The following MACROD1 variants were observed in gnomAD, a reference collection of about 807,000 sequenced individuals.
MACROD1 encodes the protein ADP-ribose glycohydrolase MACROD1.
A neutral mutation model predicts 41.4 loss-of-function variants in MACROD1; 31 were observed. The observed-to-expected ratio is 0.75, with a 90% CI of 0.56 to 1.01. MACROD1 has a LOEUF of 1.01. Ranked by LOEUF, MACROD1 falls within the 50% of genes least tolerant of loss-of-function variation. The probability of loss-of-function intolerance (pLI) is 0.00; values close to 1 mark genes in which losing one functional copy is unlikely to be tolerated. For missense variants in MACROD1, 473 were observed against 460.0 expected, an observed-to-expected ratio of 1.03 and a Z score of -0.26; for synonymous variants, 252 against 203.4, an observed-to-expected ratio of 1.24 and a Z score of -2.03.
intron 3 of MACROD1, among the ~76,000 whole-genome samples, chr11:64,041,632 T>C (rs993383153): frequency 6.6e-6 from 1 of 151,970 alleles, no homozygotes. Context: ...AATGACCGCC[T>C]CGGGAGCTGG....
chr11:64,059,892 GGAGGC>G lies in MACROD1; in HGVS notation c.518-44616_518-44612del, dbSNP rs58718475. 2.1e-3 allele frequency among the ~76,000 whole-genome samples: 320 copies of G among 152,292 alleles called. 9 individuals carry two copies. The East Asian group carries it at 0.058, about 27-fold the overall frequency. Reference sequence around the variant, plus strand: ...ATAGGGTCCAGCCCTTGAAGGCCGAGGAGGCGAGGCGAGGCTGGCAACCGCGACCT... The same window carrying G: ...ATAGGGTCCAGCCCTTGAAGGCCGAGGAGGCGAGGCTGGCAACCGCGACCT... On this transcript the variant is annotated intron_variant, in intron 3 of 10. Coordinates refer to ENST00000255681, the MANE Select transcript of MACROD1 (RefSeq NM_014067.4).
At chr11:64,070,061 T>A (rs1297560942) in intron 3 of MACROD1, among the ~76,000 whole-genome samples, 1 of 152,170 alleles carries the variant, frequency 6.6e-6, no homozygotes, top group African/African-American at 2.4e-5. Context: ...AAGCACTCCC[T>A]GCAGCCTCTT....
At chr11:64,007,239 G>A (rs1339458558) in intron 4 of MACROD1, among the ~76,000 whole-genome samples, 2 of 152,238 alleles carry the variant, frequency 1.3e-5, no homozygotes, top group Non-Finnish European at 2.9e-5. Flanking sequence ...AGGGCCAGGA[G>A]TCCTGTGGCC....
Position 64,041,350 on chromosome 11 carries a change from C to A in MACROD1, c.518-26069G>T, listed in dbSNP as rs1482278019. Among the ~76,000 whole-genome samples the A allele has an allele frequency of 4.6e-5, 7 of 152,090 alleles. No homozygotes were observed. The South Asian group carries it at 1.5e-3, about 32-fold the overall frequency. On this transcript the variant is annotated intron_variant, in intron 3 of 10. Coordinates refer to ENST00000255681, the MANE Select transcript of MACROD1 (RefSeq NM_014067.4). Reference sequence around the variant, plus strand: ...ATTCCTGCTGCCCCCCACCCCTCCACCCCCCGTGACGCCTGGGAAATGCTG... The same window carrying A: ...ATTCCTGCTGCCCCCCACCCCTCCAACCCCCGTGACGCCTGGGAAATGCTG...
intron 3 of MACROD1, among the ~76,000 whole-genome samples, chr11:64,021,932 CCGGG>C (rs1331200375): frequency 0.041 from 206 of 5,054 alleles, 16 homozygotes; most frequent in Non-Finnish European, 0.074. Flanking sequence ...TGGCAGGGGG[CCGGG>C]GGGGGGGGGG....
chr11:64,141,350 A>C (rs1194150180), intron 3 of MACROD1, among the ~76,000 whole-genome samples: 1 of 152,178 alleles, frequency 6.6e-6, no homozygotes, highest in Non-Finnish European at 1.5e-5. Context: ...GAAAAGATTC[A>C]AGTCAACGCA....
chr11:64,058,275 T>C (rs113816669), intron 3 of MACROD1, among the ~76,000 whole-genome samples: 4 of 152,146 alleles, frequency 2.6e-5, no homozygotes, highest in Non-Finnish European at 5.9e-5. Context: ...GGATGAGCAG[T>C]TGGGGACTAC....
At position 64,120,747 on chromosome 11, in the gene MACROD1, G is replaced by GCC. The variant is rs1415750362; in HGVS notation, c.517+30490_517+30491dup. Among the ~76,000 whole-genome samples the GCC allele has an allele frequency of 6.6e-6, 1 of 152,088 alleles. No homozygotes were observed. Among genetic ancestry groups the GCC allele is most frequent in the Non-Finnish European group, 1.5e-5 (1 of 68,010 alleles). ...CCCCAGCCCCGAGATGAGCAGAAGG[G>GCC]CCCACCTGGGATGTCTGGGAGGAGA... On this transcript the variant is annotated intron_variant, in intron 3 of 10. Transcript: ENST00000255681. The surrounding 1 kb of genome is among the most constrained non-coding windows in gnomAD (Gnocchi z 4.5).
At chr11:64,124,414 T>C (rs1945146873) in intron 3 of MACROD1, among the ~76,000 whole-genome samples, 1 of 152,262 alleles carries the variant, frequency 6.6e-6, no homozygotes, top group African/African-American at 2.4e-5. Context: ...CTTTTCACTC[T>C]GTGGTTTTAA....
At chr11:64,029,861 T>C (rs1382710331) in intron 3 of MACROD1, among the ~76,000 whole-genome samples, 1 of 152,128 alleles carries the variant, frequency 6.6e-6, no homozygotes, top group Admixed American at 6.6e-5. Flanking sequence ...CTGGGAATGA[T>C]CGCTGAGAAG....
At chr11:64,157,922 C>T (rs1423052328) in intron 1 of MACROD1, among the ~76,000 whole-genome samples, 1 of 152,142 alleles carries the variant, frequency 6.6e-6, no homozygotes, top group Non-Finnish European at 1.5e-5. Flanking sequence ...CTTGTCAAAG[C>T]CCACAGCTCG....
At chr11:64,030,241 A>G (rs1943276661) in intron 3 of MACROD1, among the ~76,000 whole-genome samples, 1 of 150,596 alleles carries the variant, frequency 6.6e-6, no homozygotes, top group Admixed American at 6.6e-5. Context: ...GGCCCCCCAG[A>G]ACCCCAGGAG....
intron 3 of MACROD1, among the ~76,000 whole-genome samples, chr11:64,150,944 G>A (rs563405439): frequency 2.2e-4 from 33 of 152,198 alleles, no homozygotes; most frequent in Non-Finnish European, 3.5e-4. Context: ...AGACCTCCCC[G>A]CTGTGGCCTC....
intron 3 of MACROD1, among the ~76,000 whole-genome samples, chr11:64,073,883 C>T (rs1944153701): frequency 6.6e-6 from 1 of 152,152 alleles, no homozygotes; most frequent in South Asian, 2.1e-4. Context: ...CCGGATCCAG[C>T]CCAGCCACTT....
chr11:64,020,373 T>C (rs1943137080), intron 3 of MACROD1, among the ~76,000 whole-genome samples: 1 of 152,106 alleles, frequency 6.6e-6, no homozygotes, highest in Non-Finnish European at 1.5e-5. Context: ...TCTCCTATTT[T>C]GCCCCAGCTG....
intron 3 of MACROD1, among the ~76,000 whole-genome samples, chr11:64,044,899 GCTGGGC>G (rs1157502554): frequency 6.6e-6 from 1 of 152,232 alleles, no homozygotes; most frequent in Non-Finnish European, 1.5e-5. Flanking sequence ...CCCACTGTGT[GCTGGGC>G]CTGGGGCTGG....
chr11:64,080,278 G>A (rs956656786), intron 3 of MACROD1, among the ~76,000 whole-genome samples: 1 of 152,212 alleles, frequency 6.6e-6, no homozygotes, highest in African/African-American at 2.4e-5. Flanking sequence ...CTCCCAAAGT[G>A]CTGGGATTAC....
At chr11:64,104,601 C>T (rs982158018) in intron 3 of MACROD1, among the ~76,000 whole-genome samples, 12 of 152,070 alleles carry the variant, frequency 7.9e-5, no homozygotes, top group African/African-American at 2.9e-4. Flanking sequence ...TGCCCTGGCG[C>T]CTGCTGCCCT....
intron 3 of MACROD1, among the ~76,000 whole-genome samples, chr11:64,039,426 G>C (rs1469541762): frequency 6.6e-6 from 1 of 152,118 alleles, no homozygotes; most frequent in Non-Finnish European, 1.5e-5. Flanking sequence ...GTAGCGGGGG[G>C]TCCCTCCTCA....
Sources: gnomAD v4.1 joint callset for allele counts (sites outside exome capture counted in the v4.1 genomes callset) on GRCh38, gnomAD v4.1.1 for gene constraint, Gnocchi (gnomAD v3.1) non-coding constraint, MANE v1.5 for transcripts, NCBI Gene and HGNC (gene_info 2026-07-23, HGNC 2026-07-21) for gene names.